GHR: variants seen among roughly 807,000 people sequenced by gnomAD.
The protein encoded by GHR is growth hormone receptor.
In GHR, 35 loss-of-function variants were observed where a neutral mutation model predicts 67.1. The ratio of observed to expected loss-of-function variants is 0.52; its 90% CI spans 0.40 to 0.69. GHR has a LOEUF of 0.69. Ranked by LOEUF, GHR falls within the 30% of genes least tolerant of loss-of-function variation. The pLI, the probability that GHR is intolerant of heterozygous loss-of-function variation, is 0.00. For missense variants in GHR, 792 were observed against 764.6 expected (o/e 1.04, Z -0.42); for synonymous variants, 272 against 269.1 (o/e 1.01, Z -0.10).
chr5:42,585,309 A>G (rs1751417847), intron 2 of GHR, among the ~76,000 whole-genome samples: 1 of 152,242 alleles, frequency 6.6e-6, no homozygotes, highest in African/African-American at 2.4e-5. Context: ...TAAATAGCCT[A>G]TAGACAAACA....
chr5:42,440,585 C>A (rs1173183793), intron 1 of GHR, among the ~76,000 whole-genome samples: 2 of 152,032 alleles, frequency 1.3e-5, no homozygotes, highest in Admixed American at 1.3e-4. Context: ...CAATAGAAAA[C>A]CATTGAAGGG....
intron 6 of GHR, 27 bp from the exon 7 acceptor site, chr5:42,711,180 A>G (rs1758437762): frequency 1.9e-6 from 3 of 1,589,510 alleles, no homozygotes; most frequent in Non-Finnish European, 2.6e-6. Context: ...TCTTTGGCCA[A>G]TATGCGTTTA....
chr5:42,568,402 A>C (rs1216151822), intron 2 of GHR, among the ~76,000 whole-genome samples: 1 of 152,202 alleles, frequency 6.6e-6, no homozygotes, highest in Non-Finnish European at 1.5e-5. Flanking sequence ...CCAGTTACAT[A>C]GTCTAGAGGA....
At chr5:42,562,435 G>A (rs901146652) in intron 1 of GHR, among the ~76,000 whole-genome samples, 4 of 152,128 alleles carry the variant, frequency 2.6e-5, no homozygotes, top group Non-Finnish European at 4.4e-5. Context: ...CTTAGTTAGA[G>A]TCGGGTCCCT....
intron 3 of GHR, among the ~76,000 whole-genome samples, chr5:42,667,627 C>T (rs570539695): frequency 2.6e-5 from 4 of 152,186 alleles, no homozygotes; most frequent in African/African-American, 9.6e-5. Context: ...AGTTGAAATC[C>T]ACTGGTCCAA....
intron 1 of GHR, among the ~76,000 whole-genome samples, chr5:42,539,579 C>G (rs1217010252): frequency 4.6e-5 from 7 of 152,322 alleles, no homozygotes; most frequent in Non-Finnish European, 4.4e-5. Context: ...TCTCCTGCAT[C>G]CTGCAGGAGC....
chr5:42,427,918 G>A (rs1742923513), intron 1 of GHR, among the ~76,000 whole-genome samples: 1 of 152,184 alleles, frequency 6.6e-6, no homozygotes, highest in South Asian at 2.1e-4. Flanking sequence ...CATCCAGGCT[G>A]TTTTCATGGC....
intron 7 of GHR, among the ~76,000 whole-genome samples, chr5:42,712,585 T>G (rs888100893): frequency 6.6e-6 from 1 of 152,154 alleles, no homozygotes; most frequent in African/African-American, 2.4e-5. Context: ...AAGAAAAGAC[T>G]ATTTCAGCAT....
intron 2 of GHR, among the ~76,000 whole-genome samples, chr5:42,577,388 A>C (rs1289991713): frequency 1.3e-5 from 2 of 152,198 alleles, no homozygotes; most frequent in African/African-American, 2.4e-5. Context: ...AAAAACATTC[A>C]AATGGGTTAC....
rs544522921 is a variant in GHR, at chr5:42,514,221, G to A, written c.-11-51643G>A. 3.1e-5 allele frequency: 31 copies of A among 985,336 alleles called. No homozygotes were observed. In the African/African-American group the frequency reaches 5.2e-4, roughly 17 times the overall value. The allele number at this position is 985,336 out of a possible 1,614,324, so 61.0% of individuals were successfully genotyped here. On this transcript the variant is annotated intron_variant, in intron 1 of 9. Transcript: ENST00000230882. Reference sequence around the variant, plus strand: ...ACCTACAAGTGCCTTCTGGGTGCAAGTCCACAGGCAAGATTTGTTCTGCAA... The same window carrying A: ...ACCTACAAGTGCCTTCTGGGTGCAAATCCACAGGCAAGATTTGTTCTGCAA...
chr5:42,579,096 T>C (rs1750941916), intron 2 of GHR, among the ~76,000 whole-genome samples: 2 of 91,276 alleles, frequency 2.2e-5, no homozygotes, highest in Admixed American at 2.2e-4. Flanking sequence ...GATAGATAGA[T>C]AGATAGATAG....
At position 42,508,768 on chromosome 5, in the gene GHR, G is replaced by A. The variant is rs576412262; in HGVS notation, c.-11-57096G>A. On this transcript the variant is annotated intron_variant, in intron 1 of 9. Coordinates refer to ENST00000230882, the MANE Select transcript of GHR (RefSeq NM_000163.5). ...TTTTGTATTTTTTAGTAGAGACGGG[G>A]TTTCACTGTGTTGGCCAGGATGGTC... Among the ~76,000 whole-genome samples, 358 of 152,244 alleles carry A rather than the reference G, an allele frequency of 2.4e-3. 13 individuals carry two copies. The South Asian group carries it at 0.067, about 28-fold the overall frequency.
In GHR at chr5:42,718,614, C is replaced by A. The variant is rs150075737; in HGVS notation, c.1107C>A (p.Asp369Glu). The A allele has an allele frequency of 1.2e-5, 20 of 1,613,792 alleles. No homozygotes were observed. The African/African-American group carries it at 2.7e-4, about 22-fold the overall frequency. The change falls in exon 10 of 10, where the codon GAC becomes GAA. Residue 369 changes from aspartate (D) to glutamate (E), a missense_variant. Transcript: ENST00000230882. Reference sequence around the variant, plus strand: ...ACACAGACAGACTTCTAAGCAGTGACCATGAGAAATCACATAGTAACCTAG... The same window carrying A: ...ACACAGACAGACTTCTAAGCAGTGAACATGAGAAATCACATAGTAACCTAG... ...ESDTDRLLSS[D>E]HEKSHSNLGV...
At chr5:42,461,880 GT>G (rs1744502143) in intron 1 of GHR, among the ~76,000 whole-genome samples, 1 of 152,224 alleles carries the variant, frequency 6.6e-6, no homozygotes, top group African/African-American at 2.4e-5. Flanking sequence ...TAGGGACTAG[GT>G]AAGGAGAATG....
chr5:42,536,176 T>C (rs1243420550), intron 1 of GHR, among the ~76,000 whole-genome samples: 1 of 152,162 alleles, frequency 6.6e-6, no homozygotes, highest in Non-Finnish European at 1.5e-5. Context: ...ATCTGATTGC[T>C]CTGGCTAGGA....
Position 42,423,627 on chromosome 5 carries a change from C to A in GHR, c.-340C>A, listed in dbSNP as rs1026476364. On this transcript the variant is annotated 5_prime_UTR_variant, in exon 1 of 10. Transcript: ENST00000230882. ...GACTGCGGGCCAGGCGCGGCGTGAC[C>A]CCTGGTGAACGGTGGCCGCCTTTTC... The A allele has an allele frequency of 6.5e-6, 1 of 153,064 alleles. No individual in the cohort carries two copies. The allele number at this position is 153,064 out of a possible 1,614,324, so 9.5% of individuals were successfully genotyped here. A position where few individuals can be genotyped will look rare whatever the true frequency, so the allele number is the denominator to read the frequency against.
chr5:42,503,060 C>G (rs533393886), intron 1 of GHR, among the ~76,000 whole-genome samples: 1 of 152,136 alleles, frequency 6.6e-6, no homozygotes, highest in East Asian at 1.9e-4. Context: ...TGTGGTGTCT[C>G]AGCTAACTTT....
intron 2 of GHR, among the ~76,000 whole-genome samples, chr5:42,566,804 C>T (rs1749967640): frequency 6.6e-6 from 1 of 152,078 alleles, no homozygotes; most frequent in Admixed American, 6.5e-5. Context: ...CCCCTTCTCA[C>T]CATTCAGCTC....
intron 1 of GHR, among the ~76,000 whole-genome samples, chr5:42,538,591 C>T (rs1748366222): frequency 6.6e-6 from 1 of 152,096 alleles, no homozygotes; most frequent in African/African-American, 2.4e-5. Context: ...AGTGCTTTTG[C>T]CTCACAGCTC....
Sources: allele counts gnomAD v4.1 joint callset (sites outside exome capture counted in the v4.1 genomes callset), GRCh38; gene constraint gnomAD v4.1.1; transcripts MANE v1.5; gene names NCBI Gene and HGNC (gene_info 2026-07-23, HGNC 2026-07-21).